Variants in MAPRE2 observed in about 807,000 individuals in gnomAD.
The protein encoded by MAPRE2 is microtubule associated protein RP/EB family member 2, also known as microtubule-associated protein RP/EB family member 2.
MAPRE2 carries 13 observed loss-of-function variants against 43.2 expected under a neutral mutation model. The observed-to-expected ratio is 0.30, with a 90% CI of 0.20 to 0.48. MAPRE2 has a LOEUF of 0.48. MAPRE2 is among the 20% of genes least tolerant of loss of function. MAPRE2 has a pLI of 0.99. For synonymous variants in MAPRE2, 135 were observed against 148.8 expected (o/e 0.91, Z 0.68); for missense variants, 161 against 400.2 (o/e 0.40, Z 5.10).
chr18:34,982,529 A>G (rs565412393), intron 1 of MAPRE2, among the ~76,000 whole-genome samples: 1 of 152,346 alleles, frequency 6.6e-6, no homozygotes, highest in African/African-American at 2.4e-5. Flanking sequence ...AAGAGAATTT[A>G]TACTCTTTAA....
intron 1 of MAPRE2, among the ~76,000 whole-genome samples, chr18:35,042,950 T>A (rs2150599244): frequency 6.6e-6 from 1 of 152,276 alleles, no homozygotes; most frequent in East Asian, 1.9e-4. Context: ...ATAAGCAACC[T>A]TTGCCCTGTC....
intron 6 of MAPRE2, among the ~76,000 whole-genome samples, chr18:35,139,290 A>G (rs1910522084): frequency 6.6e-6 from 1 of 152,228 alleles, no homozygotes; most frequent in African/African-American, 2.4e-5. Flanking sequence ...GTCCCAGCAC[A>G]TGCTCCAGAC....
At chr18:35,083,073 A>G (rs1056978706) in intron 2 of MAPRE2, among the ~76,000 whole-genome samples, 4 of 152,200 alleles carry the variant, frequency 2.6e-5, no homozygotes, top group East Asian at 1.9e-4. Flanking sequence ...ACAGATGGGC[A>G]TTTCTTTAGA....
chr18:35,065,546 T>C (rs1338885728), intron 1 of MAPRE2, among the ~76,000 whole-genome samples: 1 of 151,924 alleles, frequency 6.6e-6, no homozygotes, highest in Non-Finnish European at 1.5e-5. Context: ...TCTTTATTTT[T>C]ATTTATTTAT....
chr18:35,058,088 G>A (rs1295841070), intron 1 of MAPRE2, among the ~76,000 whole-genome samples: 1 of 152,208 alleles, frequency 6.6e-6, no homozygotes, highest in African/African-American at 2.4e-5. Context: ...TAAGTTTAAT[G>A]TTGTGCTATT....
intron 1 of MAPRE2, among the ~76,000 whole-genome samples, chr18:35,055,471 T>G (rs1183504968): frequency 6.6e-6 from 1 of 152,054 alleles, no homozygotes; most frequent in Non-Finnish European, 1.5e-5. Context: ...AAGACCTTTT[T>G]CCAAATAAAG....
At chr18:35,082,431 A>T (rs1246991329) in intron 2 of MAPRE2, among the ~76,000 whole-genome samples, 3 of 152,146 alleles carry the variant, frequency 2.0e-5, no homozygotes, top group African/African-American at 7.2e-5. Flanking sequence ...TGGCATTTAA[A>T]GCCTTGAGCA....
intron 4 of MAPRE2, among the ~76,000 whole-genome samples, chr18:35,117,377 A>T (rs1486377167): frequency 6.6e-6 from 1 of 152,240 alleles, no homozygotes. Context: ...CACCATCGGA[A>T]AAACAACCGC....
chr18:35,013,695 G>A (rs1181046439), intron 2 of MAPRE2, among the ~76,000 whole-genome samples: 2 of 151,866 alleles, frequency 1.3e-5, no homozygotes, highest in African/African-American at 4.8e-5. Flanking sequence ...CCAGCCTCTA[G>A]TATCCTGTCT....
chr18:34,985,660 A>G lies in MAPRE2; in HGVS notation c.-70+8581A>G, dbSNP rs1345483380. Reference sequence around the variant, plus strand: ...TATAATAATATATAACATATGATATATTATAATAATATATAAATATATATT... The same window carrying G: ...TATAATAATATATAACATATGATATGTTATAATAATATATAAATATATATT... On this transcript the variant is annotated intron_variant, in intron 1 of 7. Transcript: ENST00000413393. 1.4e-4 allele frequency among the ~76,000 whole-genome samples: 15 copies of G among 104,788 alleles called. No individual in the cohort carries two copies. The South Asian group carries it at 4.0e-3, about 28-fold the overall frequency. 68.7% of individuals were successfully genotyped at this position (104,788 alleles called of 152,430 possible).
At chr18:35,123,630 G>C (rs1238109841) in intron 4 of MAPRE2, among the ~76,000 whole-genome samples, 5 of 152,184 alleles carry the variant, frequency 3.3e-5, no homozygotes, top group African/African-American at 1.2e-4. Flanking sequence ...AGGAAACCAA[G>C]GAGGAGCTCT....
chr18:35,072,562 G>T (rs1907161743), intron 2 of MAPRE2, among the ~76,000 whole-genome samples: 1 of 152,178 alleles, frequency 6.6e-6, no homozygotes, highest in African/African-American at 2.4e-5. Context: ...GGTAGCAAAT[G>T]AAATAAGAAC....
intron 1 of MAPRE2, among the ~76,000 whole-genome samples, chr18:34,986,480 C>T (rs897639006): frequency 3.9e-5 from 6 of 152,112 alleles, no homozygotes; most frequent in Admixed American, 1.3e-4. Context: ...TGGTTCTTCC[C>T]GGGAAAGACG....
chr18:35,095,488 G>T (rs1347966569), intron 2 of MAPRE2, among the ~76,000 whole-genome samples: 1 of 146,502 alleles, frequency 6.8e-6, no homozygotes, highest in Non-Finnish European at 1.5e-5. Context: ...CACTAGAGAT[G>T]ATTTTTCCTT....
intron 1 of MAPRE2, among the ~76,000 whole-genome samples, chr18:35,005,240 T>G (rs2097031292): frequency 6.6e-6 from 1 of 152,300 alleles, no homozygotes; most frequent in South Asian, 2.1e-4. Context: ...TTATACTAAA[T>G]TTTTATCAAC....
intron 2 of MAPRE2, among the ~76,000 whole-genome samples, chr18:35,085,304 A>T (rs989694493): frequency 2.6e-5 from 4 of 152,228 alleles, no homozygotes; most frequent in African/African-American, 9.6e-5. Flanking sequence ...CTTAGGTAAT[A>T]GTTGCAGTTC....
At chr18:35,114,900 C>A (rs1242791065) in intron 4 of MAPRE2, among the ~76,000 whole-genome samples, 1 of 152,220 alleles carries the variant, frequency 6.6e-6, no homozygotes, top group African/African-American at 2.4e-5. Flanking sequence ...GATTTTACTT[C>A]TCAGCCTAGC....
chr18:35,033,037 T>A (rs562922689), intron 2 of MAPRE2, among the ~76,000 whole-genome samples: 23 of 152,196 alleles, frequency 1.5e-4, no homozygotes, highest in African/African-American at 5.5e-4. Flanking sequence ...CATGTTTTTA[T>A]GAAAAATTGC....
At chr18:34,985,774 T>TG (rs1568962384) in intron 1 of MAPRE2, among the ~76,000 whole-genome samples, 1 of 136,174 alleles carries the variant, frequency 7.3e-6, no homozygotes, top group African/African-American at 2.7e-5. Flanking sequence ...ATATTACATA[T>TG]TTGTTTAATA....
Sources: allele counts gnomAD v4.1 joint callset (sites outside exome capture counted in the v4.1 genomes callset), GRCh38; gene constraint gnomAD v4.1.1; transcripts MANE v1.5; gene names NCBI Gene and HGNC (gene_info 2026-07-23, HGNC 2026-07-21).